Variants in ADAMTS18 observed in about 807,000 individuals in gnomAD.
ADAMTS18 encodes A disintegrin and metalloproteinase with thrombospondin motifs 18.
Under a neutral mutation model 165.9 loss-of-function variants are expected in ADAMTS18, and 157 were observed. That is an observed-to-expected ratio of 0.95 (90% CI 0.83 to 1.08). ADAMTS18 has a LOEUF of 1.08. Ranked by LOEUF, ADAMTS18 falls within the 50% of genes least tolerant of loss-of-function variation. ADAMTS18 has a pLI of 0.00. For missense variants in ADAMTS18, 2,040 were observed against 1,534.0 expected (o/e 1.33, Z -5.51); for synonymous variants, 782 against 578.2 (o/e 1.35, Z -5.06).
intron 16 of ADAMTS18, among the ~76,000 whole-genome samples, chr16:77,311,350 T>A (rs1022725388): frequency 1.3e-5 from 2 of 152,214 alleles, no homozygotes; most frequent in African/African-American, 4.8e-5. Context: ...TATTTTTGTA[T>A]TGGAGTAAAT....
At chr16:77,291,035 C>T (rs1343828801) in intron 21 of ADAMTS18, 1 of 486,564 alleles carries the variant, frequency 2.1e-6, no homozygotes, top group Non-Finnish European at 3.7e-6. Flanking sequence ...TTCTGATGAA[C>T]AAAAACAAAT....
In ADAMTS18 at chr16:77,416,243, G is replaced by A. The variant is rs77748854; in HGVS notation, c.495+15052C>T. Among the ~76,000 whole-genome samples the A allele has an allele frequency of 1.4e-3, 214 of 152,252 alleles. 1 individual carries two copies. The highest frequency in any genetic ancestry group is 5.0e-3 in the African/African-American group (206 of 41,550). On this transcript the variant is annotated intron_variant, in intron 3 of 22. Coordinates refer to ENST00000282849, the MANE Select transcript of ADAMTS18 (RefSeq NM_199355.4). ...TCACTGAGGTAGGACATCTGGGGATGTTGAAAGGCAGTGGAGCCCAGTGGA... is the reference window on the plus strand; with the variant it reads ...TCACTGAGGTAGGACATCTGGGGATATTGAAAGGCAGTGGAGCCCAGTGGA...
chr16:77,306,617 T>A (rs1178636571), intron 16 of ADAMTS18, among the ~76,000 whole-genome samples: 1 of 152,224 alleles, frequency 6.6e-6, no homozygotes, highest in Non-Finnish European at 1.5e-5. Flanking sequence ...TGGATAAATT[T>A]TAAAGACTAG....
intron 3 of ADAMTS18, among the ~76,000 whole-genome samples, chr16:77,409,590 G>A (rs984368415): frequency 2.0e-5 from 3 of 152,140 alleles, no homozygotes; most frequent in Admixed American, 1.3e-4. Flanking sequence ...CATGTGCTCT[G>A]TTCGGGGCTT....
rs953160202 is a variant in ADAMTS18, at chr16:77,340,930, C to A, written c.1710+774G>T. On this transcript the variant is annotated intron_variant, in intron 11 of 22. Transcript: ENST00000282849. ...TGTATAGGTTTATACTGCCTTGAGA[C>A]AGAGTCAATAATTAAGATCAGCAAA... Among the ~76,000 whole-genome samples, 3 of 152,096 alleles carry A rather than the reference C, an allele frequency of 2.0e-5. No homozygotes were observed. The East Asian group carries it at 5.8e-4, about 29-fold the overall frequency.
chr16:77,401,033 A>C (rs747939995), intron 3 of ADAMTS18, among the ~76,000 whole-genome samples: 1 of 152,038 alleles, frequency 6.6e-6, no homozygotes, highest in Non-Finnish European at 1.5e-5. Context: ...AGGTGGGTGG[A>C]TCACCTGAGG....
intron 3 of ADAMTS18, among the ~76,000 whole-genome samples, chr16:77,424,569 C>T (rs564730734): frequency 2.6e-5 from 4 of 152,056 alleles, no homozygotes; most frequent in South Asian, 4.2e-4. Flanking sequence ...TGGGGTCCTG[C>T]TCTCTGGCAA....
At chr16:77,284,314 C>T (rs756849174) in intron 22 of ADAMTS18, among the ~76,000 whole-genome samples, 6 of 151,894 alleles carry the variant, frequency 4.0e-5, no homozygotes, top group Non-Finnish European at 5.9e-5. Flanking sequence ...TTAGTAGAGA[C>T]GGGGTTTTCC....
chr16:77,391,262 G>A (rs925754039), intron 3 of ADAMTS18, among the ~76,000 whole-genome samples: 1 of 152,106 alleles, frequency 6.6e-6, no homozygotes. Context: ...CAGCACTTTG[G>A]GAGGCCAAAG....
intron 8 of ADAMTS18, among the ~76,000 whole-genome samples, chr16:77,358,218 G>C (rs972982880): frequency 6.6e-6 from 1 of 152,086 alleles, no homozygotes; most frequent in African/African-American, 2.4e-5. Context: ...AAATTTGTTG[G>C]ATAACAATAA....
At chr16:77,381,522 G>A (rs756675393) in intron 3 of ADAMTS18, among the ~76,000 whole-genome samples, 2 of 152,120 alleles carry the variant, frequency 1.3e-5, no homozygotes, top group Non-Finnish European at 2.9e-5. Flanking sequence ...TCAGAGAGTC[G>A]GCTGGGTGGG....
chr16:77,389,009 A>C (rs2057148401), intron 3 of ADAMTS18, among the ~76,000 whole-genome samples: 1 of 152,200 alleles, frequency 6.6e-6, no homozygotes, highest in African/African-American at 2.4e-5. Flanking sequence ...ACAAATAAAA[A>C]CAAGAGTAGG....
intron 3 of ADAMTS18, among the ~76,000 whole-genome samples, chr16:77,368,255 G>A (rs983533886): frequency 1.3e-5 from 2 of 152,084 alleles, no homozygotes; most frequent in African/African-American, 2.4e-5. Context: ...ACTTTCAGAG[G>A]CAGGGCTCAC....
intron 12 of ADAMTS18, among the ~76,000 whole-genome samples, chr16:77,326,768 T>C (rs2056102861): frequency 6.6e-6 from 1 of 152,266 alleles, no homozygotes; most frequent in Non-Finnish European, 1.5e-5. Flanking sequence ...AGTTTTGTTA[T>C]ACAGTTAAAT....
chr16:77,383,267 A>G (rs1343249384), intron 3 of ADAMTS18, among the ~76,000 whole-genome samples: 1 of 151,958 alleles, frequency 6.6e-6, no homozygotes, highest in Admixed American at 6.6e-5. Context: ...ATCATGCTCT[A>G]TCACTACAAG....
At chr16:77,358,463 G>A (rs916337915) in intron 8 of ADAMTS18, among the ~76,000 whole-genome samples, 4 of 152,168 alleles carry the variant, frequency 2.6e-5, no homozygotes, top group Non-Finnish European at 4.4e-5. Flanking sequence ...TCAGGAGGCA[G>A]AGGCAGGAGA....
At chr16:77,347,348 T>A (rs936680003) in intron 10 of ADAMTS18, among the ~76,000 whole-genome samples, 2 of 152,158 alleles carry the variant, frequency 1.3e-5, no homozygotes, top group African/African-American at 4.8e-5. Context: ...AGGGTAAAGG[T>A]AGGTTTAACT....
At chr16:77,303,133 T>C (rs1445316673) in intron 16 of ADAMTS18, among the ~76,000 whole-genome samples, 2 of 152,182 alleles carry the variant, frequency 1.3e-5, no homozygotes, top group Admixed American at 6.5e-5. Flanking sequence ...AGTTCTTTAC[T>C]ACACACTGAT....
intron 1 of ADAMTS18, 22 bp from the exon 2 acceptor site, chr16:77,434,527 C>A: frequency 6.5e-7 from 1 of 1,544,750 alleles, no homozygotes; most frequent in Non-Finnish European, 8.7e-7. Flanking sequence ...AAGGTGACAT[C>A]GCGCGTGAGG....
Sources: allele counts gnomAD v4.1 joint callset (sites outside exome capture counted in the v4.1 genomes callset), GRCh38; gene constraint gnomAD v4.1.1; transcripts MANE v1.5; gene names NCBI Gene and HGNC (gene_info 2026-07-23, HGNC 2026-07-21).